The following PSMG4 variants were observed in gnomAD, a reference collection of about 807,000 sequenced individuals.
PSMG4 encodes the protein proteasome assembly chaperone 4.
Under a neutral mutation model 11.0 loss-of-function variants are expected in PSMG4, and 10 were observed. The ratio of observed to expected loss-of-function variants is 0.91; its 90% confidence interval spans 0.56 to 1.54. The LOEUF (loss-of-function observed/expected upper bound fraction) is 1.54, where lower values mean the gene tolerates loss of function less well. PSMG4 is among the 40% of genes most tolerant of loss of function. The pLI, the probability that PSMG4 is intolerant of heterozygous loss-of-function variation, is 0.00. For synonymous variants in PSMG4, 95 were observed against 71.3 expected (o/e 1.33, Z -1.68); for missense variants, 198 against 160.9 (o/e 1.23, Z -1.25).
At chr6:3,255,553 T>A (rs9501959), upstream of PSMG4, among the ~76,000 whole-genome samples, 8 of 152,042 alleles carry the variant, frequency 5.3e-5, no homozygotes, top group Admixed American at 2.6e-4. Flanking sequence ...AACCTTGGGC[T>A]GCTGTTCTGT....
At chr6:3,261,386 G>T (rs1232553905) in intron 1 of PSMG4, among the ~76,000 whole-genome samples, 6 of 152,110 alleles carry the variant, frequency 3.9e-5, no homozygotes, top group African/African-American at 1.4e-4. Context: ...AGTGGGCAGG[G>T]CTTTGGGCAC....
upstream of PSMG4, chr6:3,255,277 G>C: frequency 1.3e-6 from 2 of 1,539,908 alleles, no homozygotes; most frequent in Non-Finnish European, 8.8e-7. Flanking sequence ...GCTGTCTTAC[G>C]GGTCTATCGG....
chr6:3,254,989 G>C (rs1561836545), upstream of PSMG4: 3 of 1,510,734 alleles, frequency 2.0e-6, no homozygotes, highest in South Asian at 2.5e-5. Context: ...TGGATCCCAT[G>C]GACCTAGCGC....
upstream of PSMG4, among the ~76,000 whole-genome samples, chr6:3,255,728 A>G (rs1321591547): frequency 2.6e-5 from 4 of 152,256 alleles, no homozygotes; most frequent in Admixed American, 6.5e-5. Context: ...GGTATTGGTA[A>G]AACAGGTGGC....
At chr6:3,264,347 CG>C in intron 2 of PSMG4, 1 of 1,545,296 alleles carries the variant, frequency 6.5e-7, no homozygotes, top group Non-Finnish European at 8.7e-7. Context: ...ATGTGCTCTG[CG>C]ACCCCCAGCC....
chr6:3,260,157 T>G (rs1757923957), intron 1 of PSMG4, among the ~76,000 whole-genome samples: 1 of 151,044 alleles, frequency 6.6e-6, no homozygotes, highest in South Asian at 2.1e-4. Context: ...CAGGCTGTTC[T>G]TGAACTCCTG....
At chr6:3,264,527 C>T (rs529641788) in intron 2 of PSMG4, 24 of 1,028,010 alleles carry the variant, frequency 2.3e-5, no homozygotes, top group East Asian at 1.1e-4. Flanking sequence ...CAAATGCACA[C>T]GAATAGCATG....
Position 3,263,733 on chromosome 6 carries a change from C to T in PSMG4, c.224C>T (p.Thr75Ile). Residue 75 changes from threonine (T) to isoleucine (I), a missense_variant, in exon 2 of 3, where the codon ACC (threonine) becomes ATC (isoleucine). Transcript: ENST00000438998. The stretch of plus-strand genomic sequence containing the variant: ...CTCCTTGGAGACACTTCCGACACGA[C>T]CTCTACTGGCCTTGCCCAGCGCCTA... ...TSLLGDTSDT[T>I]STGLAQRLAR... 1 of 1,551,318 alleles carries T rather than the reference C, an allele frequency of 6.4e-7. No individual in the cohort carries two copies. The highest frequency in any genetic ancestry group is 8.7e-7 in the Non-Finnish European group (1 of 1,146,800).
chr6:3,267,825 A>G lies in PSMG4; in HGVS notation c.*113A>G. On this transcript the variant is annotated 3_prime_UTR_variant, in exon 3 of 3. Transcript: ENST00000438998. ...CTCCCGTTTTGTTTTTAAGGGGTTA[A>G]TCTTTTGAGCTTCCTTCTCAGCAGT... is the stretch of plus-strand genomic sequence containing the variant. 8.9e-7 allele frequency: 1 copy of G among 1,118,904 alleles called. No individual in the cohort carries two copies. The highest frequency in any genetic ancestry group is 1.3e-6 in the Non-Finnish European group (1 of 792,536). The allele number at this position is 1,118,904 out of a possible 1,614,324, so 69.3% of individuals were successfully genotyped here.
intron 2 of PSMG4, 127 bp downstream of exon 2, chr6:3,263,886 G>A (rs1271535393): frequency 2.9e-5 from 43 of 1,465,626 alleles, no homozygotes; most frequent in Non-Finnish European, 3.6e-5. Flanking sequence ...TTGCTGCTGG[G>A]AAGCACAGAC....
At chr6:3,257,591 C>T (rs9328152), upstream of PSMG4, among the ~76,000 whole-genome samples, 4,806 of 152,154 alleles carry the variant, frequency 0.032, 261 homozygotes, top group African/African-American at 0.11. Flanking sequence ...GCCATTGACA[C>T]ACAAGCAGAT....
chr6:3,255,085 A>C (rs982606623), upstream of PSMG4: 9 of 1,551,046 alleles, frequency 5.8e-6, no homozygotes, highest in Non-Finnish European at 7.0e-6. Flanking sequence ...TCTATTCCTA[A>C]GAAGTTGGCT....
chr6:3,258,905 T>G (rs1284073297), upstream of PSMG4: 2 of 1,045,644 alleles, frequency 1.9e-6, no homozygotes, highest in South Asian at 9.9e-5. Flanking sequence ...CCCCCGCCCT[T>G]CCGGGGCCGA....
At chr6:3,266,969 C>T (rs1758206140) in intron 2 of PSMG4, 2 of 151,232 alleles carry the variant, frequency 1.3e-5, no homozygotes, top group African/African-American at 4.8e-5. Context: ...CATTCTCCTG[C>T]CTCAGCCTCC....
chr6:3,263,769 C>T lies in PSMG4; in HGVS notation c.250+10C>T. On this transcript the variant is annotated intron_variant, in intron 2 of 2. Transcript: ENST00000438998. ...CTTGCCCAGCGCCTAGGTATGTACC[C>T]ACAGCTGGCGCTGCATGGCCAGCCA... 6.5e-7 allele frequency: 1 copy of T among 1,550,012 alleles called. No individual in the cohort carries two copies. The highest frequency in any genetic ancestry group is 8.7e-7 in the Non-Finnish European group (1 of 1,145,984).
chr6:3,255,532 G>GCC (rs1757733044), upstream of PSMG4, among the ~76,000 whole-genome samples: 4 of 152,166 alleles, frequency 2.6e-5, no homozygotes, highest in Admixed American at 6.5e-5. Flanking sequence ...CCATGAGTCT[G>GCC]TATAGACTCC....
chr6:3,258,466 G>C (rs1044258394), upstream of PSMG4, among the ~76,000 whole-genome samples: 4 of 152,220 alleles, frequency 2.6e-5, no homozygotes. Flanking sequence ...AGCCTCCTTG[G>C]AGTTAAAGGG....
At chr6:3,264,549 AG>A in intron 2 of PSMG4, 1 of 785,260 alleles carries the variant, frequency 1.3e-6, no homozygotes, top group Non-Finnish European at 1.9e-6. Context: ...CACCTGGCCC[AG>A]GGGGAAGGCA....
At chr6:3,266,468 G>A (rs1758185268) in intron 2 of PSMG4, 1 of 152,246 alleles carries the variant, frequency 6.6e-6, no homozygotes, top group Non-Finnish European at 1.5e-5. Flanking sequence ...TGCCTCTCCA[G>A]GGGTGAGTAG....
Sources: gnomAD v4.1 joint callset for allele counts (sites outside exome capture counted in the v4.1 genomes callset) on GRCh38, gnomAD v4.1.1 for gene constraint, MANE v1.5 for transcripts, NCBI Gene and HGNC (gene_info 2026-07-23, HGNC 2026-07-21) for gene names.